The following NTN1 variants were observed in gnomAD, a reference collection of about 807,000 sequenced individuals.
NTN1 encodes netrin-1.
In NTN1, 11 loss-of-function variants were observed where a neutral mutation model predicts 54.2. That is an observed-to-expected ratio of 0.20 (90% CI 0.13 to 0.34). The LOEUF (loss-of-function observed/expected upper bound fraction) is 0.34, where lower values mean the gene tolerates loss of function less well. NTN1 is among the 10% of genes least tolerant of loss of function. NTN1 has a pLI of 1.00. For missense variants in NTN1, 740 were observed against 893.1 expected (o/e 0.83, Z 2.18); for synonymous variants, 371 against 382.0 (o/e 0.97, Z 0.33).
chr17:9,018,050 C>G (rs931678097), upstream of NTN1, among the ~76,000 whole-genome samples: 6 of 152,072 alleles, frequency 3.9e-5, no homozygotes, highest in Non-Finnish European at 5.9e-5. Context: ...AGGGTTTGGG[C>G]CACCTGCAGA....
At chr17:9,044,086 T>G (rs530551956) in intron 2 of NTN1, among the ~76,000 whole-genome samples, 17 of 152,236 alleles carry the variant, frequency 1.1e-4, no homozygotes, top group Middle Eastern at 3.4e-3. Flanking sequence ...CTGCTCTCAT[T>G]GTCACTGTTT....
At chr17:9,157,615 C>G (rs1285908782) in intron 2 of NTN1, among the ~76,000 whole-genome samples, 2 of 152,208 alleles carry the variant, frequency 1.3e-5, no homozygotes, top group Admixed American at 6.5e-5. Context: ...TGCCCTGGGT[C>G]TGAAATGCAG....
upstream of NTN1, among the ~76,000 whole-genome samples, chr17:9,020,496 C>T (rs2091842466): frequency 6.6e-6 from 1 of 152,184 alleles, no homozygotes; most frequent in South Asian, 2.1e-4. Context: ...TTGACGAATG[C>T]CCTGCAGTGG....
chr17:9,077,647 G>A lies in NTN1; in HGVS notation c.1018+54256G>A, dbSNP rs75807346. Among the ~76,000 whole-genome samples the A allele has an allele frequency of 7.7e-3, 1,166 of 152,214 alleles. 16 individuals are homozygous for A. Among genetic ancestry groups the A allele is most frequent in the African/African-American group, 0.027 (1,120 of 41,500 alleles). ...GTACACTTCTGTTAGAAACAAAGTG[G>A]GAAAAGTTGATAAAGATGAACTTTA... On this transcript the variant is annotated intron_variant, in intron 2 of 6. Transcript: ENST00000173229.
At chr17:9,012,689 C>G in the NTN1 span, among the ~76,000 whole-genome samples, 1 of 152,104 alleles carries the variant, frequency 6.6e-6, no homozygotes, top group Non-Finnish European at 1.5e-5. Flanking sequence ...GAGTCCTTCC[C>G]CAAGTACCTG....
At chr17:9,103,764 T>C (rs1298562842) in intron 2 of NTN1, among the ~76,000 whole-genome samples, 2 of 152,064 alleles carry the variant, frequency 1.3e-5, no homozygotes, top group South Asian at 2.1e-4. Flanking sequence ...GAAGCTGTTA[T>C]GCTTGGTGAA....
rs1263658010 is a variant in NTN1 at position 9,239,564 on chromosome 17, T to C, written c.1487-76T>C. On this transcript the variant is annotated intron_variant, in intron 6 of 6. Transcript: ENST00000173229. The surrounding 1 kb of genome is among the most constrained non-coding windows in gnomAD (Gnocchi z 5.2). ...TTCCTGGGGCTGGGTCTCCTTTCCC[T>C]TCTCCCCAGGCTCAGGCAGGGCGGA... is the stretch of plus-strand genomic sequence containing the variant. The C allele has an allele frequency of 2.0e-6, 3 of 1,465,438 alleles. No individual in the cohort carries two copies. Among genetic ancestry groups the C allele is most frequent in the Non-Finnish European group, 2.8e-6 (3 of 1,066,964 alleles). The allele number at this position is 1,465,438 out of a possible 1,614,324, so 90.8% of individuals were successfully genotyped here. A position where few individuals can be genotyped will look rare whatever the true frequency, so the allele number is the denominator to read the frequency against.
At chr17:9,070,209 C>T (rs1477546723) in intron 2 of NTN1, among the ~76,000 whole-genome samples, 2 of 152,062 alleles carry the variant, frequency 1.3e-5, no homozygotes, top group African/African-American at 4.8e-5. Context: ...TATTATTGCC[C>T]TCTTCGTGTG....
chr17:9,089,032 C>T (rs576627518), intron 2 of NTN1, among the ~76,000 whole-genome samples: 2 of 152,220 alleles, frequency 1.3e-5, no homozygotes, highest in African/African-American at 4.8e-5. Context: ...GAGGCAGGAC[C>T]CCCAGCTTAG....
intron 2 of NTN1, among the ~76,000 whole-genome samples, chr17:9,106,718 T>C (rs1018514713): frequency 6.6e-6 from 1 of 152,164 alleles, no homozygotes; most frequent in Non-Finnish European, 1.5e-5. Context: ...TTTCACCATG[T>C]TGGCCAGGCT....
chr17:9,039,188 G>A (rs2091913627), intron 2 of NTN1, among the ~76,000 whole-genome samples: 1 of 152,000 alleles, frequency 6.6e-6, no homozygotes, highest in African/African-American at 2.4e-5. Context: ...TTATTCATCT[G>A]TTCATTTTCA....
intron 2 of NTN1, among the ~76,000 whole-genome samples, chr17:9,120,229 G>T (rs566294084): frequency 6.6e-6 from 1 of 150,458 alleles, no homozygotes. Flanking sequence ...AGCTTGCAGT[G>T]AGCCGAGATC....
At chr17:9,148,440 T>TA (rs113551899) in intron 2 of NTN1, among the ~76,000 whole-genome samples, 35 of 151,960 alleles carry the variant, frequency 2.3e-4, no homozygotes, top group South Asian at 4.2e-4. Flanking sequence ...TGGCTGTTGA[T>TA]AAAAAAAACC....
intron 5 of NTN1, among the ~76,000 whole-genome samples, chr17:9,206,627 C>T (rs537199562): frequency 6.6e-5 from 10 of 152,236 alleles, no homozygotes; most frequent in African/African-American, 2.2e-4. Flanking sequence ...CCAGGCCAGG[C>T]AGCCTGGGAG....
rs1489559891 is a variant in NTN1 at position 9,239,218 on chromosome 17, G to T, written c.1487-422G>T. ...AGGCTGTGTGTGGAGTGTCATGAGG[G>T]CTGGTGTAAAGTGACTTGGGCCTTT... On this transcript the variant is annotated intron_variant, in intron 6 of 6. Coordinates refer to ENST00000173229, the MANE Select transcript of NTN1 (RefSeq NM_004822.3). The surrounding 1 kb of genome is among the most constrained non-coding windows in gnomAD (Gnocchi z 5.2). Among the ~76,000 whole-genome samples the T allele has an allele frequency of 1.3e-5, 2 of 152,196 alleles. No homozygotes were observed. Among genetic ancestry groups the T allele is most frequent in the Non-Finnish European group, 2.9e-5 (2 of 68,036 alleles).
chr17:9,189,207 G>A (rs961007701), intron 5 of NTN1, among the ~76,000 whole-genome samples: 3 of 152,056 alleles, frequency 2.0e-5, no homozygotes, highest in South Asian at 2.1e-4. Flanking sequence ...ATCTCCCCCC[G>A]ACCCCTGTTT....
intron 5 of NTN1, among the ~76,000 whole-genome samples, chr17:9,200,715 C>T (rs1904757170): frequency 6.6e-6 from 1 of 152,206 alleles, no homozygotes. Flanking sequence ...ATTCATTCAT[C>T]ACTGACACAT....
intron 5 of NTN1, among the ~76,000 whole-genome samples, chr17:9,193,141 T>C (rs1389922638): frequency 6.6e-6 from 1 of 151,160 alleles, no homozygotes; most frequent in Non-Finnish European, 1.5e-5. Context: ...ACATTTCCCA[T>C]GTGACCATGT....
intron 2 of NTN1, among the ~76,000 whole-genome samples, chr17:9,116,244 A>G (rs2092211787): frequency 6.6e-6 from 1 of 152,162 alleles, no homozygotes; most frequent in Non-Finnish European, 1.5e-5. Flanking sequence ...GGCAGGCGGC[A>G]TGGTGGGGTA....
Sources: gnomAD v4.1 joint callset for allele counts (sites outside exome capture counted in the v4.1 genomes callset) on GRCh38, gnomAD v4.1.1 for gene constraint, Gnocchi (gnomAD v3.1) non-coding constraint, MANE v1.5 for transcripts, NCBI Gene and HGNC (gene_info 2026-07-23, HGNC 2026-07-21) for gene names.